Variants in PARD3 observed in about 807,000 individuals in gnomAD.
The protein encoded by PARD3 is par-3 family cell polarity regulator.
In PARD3, 75 loss-of-function variants were observed where a neutral mutation model predicts 155.4. That is an observed-to-expected ratio of 0.48 (90% CI 0.40 to 0.58). The LOEUF is 0.58. Ranked by LOEUF, PARD3 falls within the 20% of genes least tolerant of loss-of-function variation. PARD3 has a pLI of 0.00. For missense variants in PARD3, 1,642 were observed against 1,721.7 expected (o/e 0.95, Z 0.82); for synonymous variants, 576 against 610.5 (o/e 0.94, Z 0.83).
chr10:34,507,429 G>C (rs952500420), intron 3 of PARD3, among the ~76,000 whole-genome samples: 2 of 151,138 alleles, frequency 1.3e-5, no homozygotes, highest in Non-Finnish European at 2.9e-5. Context: ...ATAAACAATA[G>C]AGGTAACGTG....
At chr10:34,718,942 GA>G (rs2094562976) in intron 1 of PARD3, among the ~76,000 whole-genome samples, 1 of 151,818 alleles carries the variant, frequency 6.6e-6, no homozygotes, top group South Asian at 2.1e-4. Flanking sequence ...AAGCCTGGGG[GA>G]CAAGAGCGAG....
At chr10:34,604,139 A>T (rs1025907793) in intron 2 of PARD3, among the ~76,000 whole-genome samples, 1 of 152,198 alleles carries the variant, frequency 6.6e-6, no homozygotes, top group Non-Finnish European at 1.5e-5. Context: ...AACAAGTACA[A>T]CTAATTTCTT....
intron 1 of PARD3, among the ~76,000 whole-genome samples, chr10:34,771,972 TC>T (rs1229498740): frequency 6.6e-5 from 10 of 152,286 alleles, no homozygotes; most frequent in African/African-American, 1.9e-4. Context: ...CATTTGTGGA[TC>T]CCTTTCACAA....
chr10:34,594,326 C>T (rs537664556), intron 2 of PARD3, among the ~76,000 whole-genome samples: 131 of 152,282 alleles, frequency 8.6e-4, no homozygotes, highest in African/African-American at 2.7e-3. Context: ...CTTTTAAACT[C>T]ATATTTCCAA....
Position 34,814,930 on chromosome 10 carries a change from T to C in PARD3, c.66A>G (p.Lys22=). 6.4e-7 allele frequency: 1 copy of C among 1,564,298 alleles called. No individual in the cohort carries two copies. Among genetic ancestry groups the C allele is most frequent in the Non-Finnish European group, 8.6e-7 (1 of 1,157,302 alleles). The change falls in exon 1 of 25, where the codon AAA becomes AAG. Residue 22 remains lysine, a synonymous_variant. Coordinates refer to ENST00000374788, the MANE Select transcript of PARD3 (RefSeq NM_001184785.2). ...CCGCCTGCTGGATGAGGCTGAAAAC[T>C]TTCATGTGGCCGTCCCCGCACGGCA... The part of the protein sequence containing the change: ...VVVPCGDGHM[K]VFSLIQQAVT...
intron 22 of PARD3, among the ~76,000 whole-genome samples, chr10:34,249,511 T>G (rs1041177131): frequency 4.6e-5 from 7 of 152,212 alleles, no homozygotes; most frequent in Non-Finnish European, 1.0e-4. Flanking sequence ...TTTATCTATT[T>G]TCTTTTCTCA....
intron 3 of PARD3, among the ~76,000 whole-genome samples, chr10:34,498,286 A>G (rs964493474): frequency 4.6e-5 from 7 of 152,332 alleles, no homozygotes; most frequent in South Asian, 2.1e-4. Context: ...AGGGAGATGC[A>G]TAAGTGTGGT....
chr10:34,562,123 CAAAAAAAAAAAA>C (rs3041198), intron 2 of PARD3, among the ~76,000 whole-genome samples: 41 of 26,368 alleles, frequency 1.6e-3, no homozygotes, highest in African/African-American at 4.1e-3. Context: ...CTGACTGTCT[CAAAAAAAAAAAA>C]AAAAAAAAAA....
At chr10:34,254,404 AAAAC>A (rs1954535244) in intron 22 of PARD3, among the ~76,000 whole-genome samples, 1 of 151,824 alleles carries the variant, frequency 6.6e-6, no homozygotes, top group Non-Finnish European at 1.5e-5. Flanking sequence ...AACAAAAACA[AAAAC>A]AAACAAAAAA....
At chr10:34,503,563 T>G (rs558230551) in intron 3 of PARD3, among the ~76,000 whole-genome samples, 1 of 152,316 alleles carries the variant, frequency 6.6e-6, no homozygotes, top group East Asian at 1.9e-4. Context: ...TTACATACTT[T>G]TTAAAAAAAT....
chr10:34,410,104 A>C (rs1844897996), intron 5 of PARD3, among the ~76,000 whole-genome samples: 1 of 152,140 alleles, frequency 6.6e-6, no homozygotes, highest in Non-Finnish European at 1.5e-5. Flanking sequence ...GGTGCTCAAC[A>C]CCACCCTCTA....
chr10:34,111,449 C>A lies in PARD3; in HGVS notation c.3782G>T (p.Gly1261Val), dbSNP rs754969684. The A allele has an allele frequency of 6.2e-7, 1 of 1,614,130 alleles. No homozygotes were observed. ...KENPRYSSYQ[G>V]SRNGYLGGHG... ...TCCTCCCAGGTAGCCGTTCCTGGAG[C>A]CTTGGTAGCTGGAGTACCTGGGGTT... is the stretch of plus-strand genomic sequence containing the variant. Residue 1261 changes from glycine (G) to valine (V), a missense_variant, in exon 25 of 25, where the codon GGC (glycine) becomes GTC (valine). Gly to Val is a moderately radical substitution (Grantham distance 109, BLOSUM62 -3). Coordinates refer to ENST00000374788, the MANE Select transcript of PARD3 (RefSeq NM_001184785.2).
intron 22 of PARD3, among the ~76,000 whole-genome samples, chr10:34,145,221 A>ATATT (rs1491430560): frequency 5.0e-4 from 17 of 33,968 alleles, no homozygotes; most frequent in Admixed American, 2.0e-3. Context: ...ATATATATAT[A>ATATT]TTTTTTTTTT....
intron 2 of PARD3, among the ~76,000 whole-genome samples, chr10:34,669,881 A>G (rs1426242588): frequency 6.6e-6 from 1 of 152,244 alleles, no homozygotes; most frequent in African/African-American, 2.4e-5. Context: ...CAATCCTATG[A>G]TAAAAGTAAA....
rs141168072 is a variant in PARD3 at position 34,473,667 on chromosome 10, G to C, written c.404-3404C>G. Among the ~76,000 whole-genome samples, 1,187 of 152,286 alleles carry C rather than the reference G, an allele frequency of 7.8e-3. 12 individuals are homozygous for C. Among genetic ancestry groups the C allele is most frequent in the African/African-American group, 0.026 (1,081 of 41,562 alleles). ...CTAAAACAGGGCTGGGACAGAAGCAGTTTTCCATCAAACACACTCACCAGC... is the reference window on the plus strand; with the variant it reads ...CTAAAACAGGGCTGGGACAGAAGCACTTTTCCATCAAACACACTCACCAGC... On this transcript the variant is annotated intron_variant, in intron 3 of 24. Coordinates refer to ENST00000374788, the MANE Select transcript of PARD3 (RefSeq NM_001184785.2).
At chr10:34,314,644 C>T (rs1957897318) in intron 20 of PARD3, among the ~76,000 whole-genome samples, 2 of 152,168 alleles carry the variant, frequency 1.3e-5, no homozygotes, top group Non-Finnish European at 2.9e-5. Flanking sequence ...AACACTGCCA[C>T]CATGGCAAAT....
intron 5 of PARD3, among the ~76,000 whole-genome samples, chr10:34,448,095 G>A (rs1255001633): frequency 6.6e-6 from 1 of 151,924 alleles, no homozygotes; most frequent in Non-Finnish European, 1.5e-5. Flanking sequence ...TAAGTGACCT[G>A]CAACCGATGA....
At chr10:34,448,930 T>G (rs1348722093) in intron 5 of PARD3, among the ~76,000 whole-genome samples, 1 of 150,358 alleles carries the variant, frequency 6.7e-6, no homozygotes, top group Admixed American at 6.6e-5. Flanking sequence ...TTTTTTTTTT[T>G]TTTTTTGAGA....
intron 1 of PARD3, among the ~76,000 whole-genome samples, chr10:34,713,332 T>C (rs1426815548): frequency 6.6e-6 from 1 of 152,100 alleles, no homozygotes; most frequent in African/African-American, 2.4e-5. Context: ...AGCTGTATCA[T>C]CCACCAGGTA....
Sources: allele counts gnomAD v4.1 joint callset (sites outside exome capture counted in the v4.1 genomes callset), GRCh38; gene constraint gnomAD v4.1.1; transcripts MANE v1.5; gene names NCBI Gene and HGNC (gene_info 2026-07-23, HGNC 2026-07-21).